HEMK2: variants seen among roughly 807,000 people sequenced by gnomAD.
The protein encoded by HEMK2 is methyltransferase HEMK2.
chr21:28,826,748 C>T, the HEMK2 span, among the ~76,000 whole-genome samples: 63 of 152,344 alleles, frequency 4.1e-4, no homozygotes, highest in African/African-American at 1.5e-3. Flanking sequence ...CTGCAAAATG[C>T]TGCTTATGTA....
the HEMK2 span, among the ~76,000 whole-genome samples, chr21:28,836,087 C>G: frequency 6.6e-6 from 1 of 152,192 alleles, no homozygotes; most frequent in Non-Finnish European, 1.5e-5. Context: ...AGGAAAACTT[C>G]CTCAGCCTTG....
the HEMK2 span, among the ~76,000 whole-genome samples, chr21:28,881,209 T>C: frequency 6.6e-6 from 1 of 152,240 alleles, no homozygotes; most frequent in Non-Finnish European, 1.5e-5. Context: ...CCCTTTCTTC[T>C]GATTTAATTT....
At chr21:28,839,328 T>A in the HEMK2 span, among the ~76,000 whole-genome samples, 3 of 151,948 alleles carry the variant, frequency 2.0e-5, no homozygotes, top group Non-Finnish European at 4.4e-5. Flanking sequence ...GGATGCCCAC[T>A]CTCACCACTC....
At chr21:28,752,822 C>T in the HEMK2 span, among the ~76,000 whole-genome samples, 1 of 152,118 alleles carries the variant, frequency 6.6e-6, no homozygotes, top group African/African-American at 2.4e-5. Context: ...ATTGTTGTTA[C>T]AATGCAAAGG....
the HEMK2 span, among the ~76,000 whole-genome samples, chr21:28,814,447 C>T: frequency 6.6e-6 from 1 of 151,430 alleles, no homozygotes; most frequent in African/African-American, 2.4e-5. Context: ...GAACAGGCAA[C>T]CTACAGAATG....
chr21:28,817,574 A>T, the HEMK2 span, among the ~76,000 whole-genome samples: 26 of 152,362 alleles, frequency 1.7e-4, no homozygotes, highest in African/African-American at 6.0e-4. Flanking sequence ...TGAAAAACAT[A>T]AGCTTAAGTA....
At chr21:28,678,739 C>A in the HEMK2 span, among the ~76,000 whole-genome samples, 4 of 152,124 alleles carry the variant, frequency 2.6e-5, no homozygotes, top group Non-Finnish European at 4.4e-5. Context: ...GGGCCAATGT[C>A]CAACATTCTT....
chr21:28,622,185 A>G, the HEMK2 span, among the ~76,000 whole-genome samples: 1 of 152,200 alleles, frequency 6.6e-6, no homozygotes, highest in Non-Finnish European at 1.5e-5. Flanking sequence ...TACACCAATT[A>G]CAGACAAACA....
chr21:28,833,698 T>C, the HEMK2 span, among the ~76,000 whole-genome samples: 3 of 152,336 alleles, frequency 2.0e-5, no homozygotes, highest in South Asian at 4.1e-4. Context: ...GGGAAAAGTA[T>C]GGACTTCAGA....
chr21:28,831,622 GGAAAGAAGGAAGGAAAGAAAGAAAGAAA>G, the HEMK2 span, among the ~76,000 whole-genome samples: 2 of 73,502 alleles, frequency 2.7e-5, no homozygotes, highest in African/African-American at 1.6e-4. Context: ...AAGGAAAGAA[GGAAAGAAGGAAGGAAAGAAAGAAAGAAA>G]GAAAGAAAGA....
chr21:28,606,819 T>C, the HEMK2 span, among the ~76,000 whole-genome samples: 1 of 152,186 alleles, frequency 6.6e-6, no homozygotes, highest in Non-Finnish European at 1.5e-5. Flanking sequence ...AAAATTGTTA[T>C]AATTATGTTC....
the HEMK2 span, among the ~76,000 whole-genome samples, chr21:28,729,831 T>C: frequency 2.0e-5 from 3 of 152,238 alleles, no homozygotes; most frequent in East Asian, 5.8e-4. Context: ...AGAAGACGGG[T>C]TGTCGAGTGA....
chr21:28,608,325 A>C, the HEMK2 span, among the ~76,000 whole-genome samples: 1 of 151,950 alleles, frequency 6.6e-6, no homozygotes, highest in African/African-American at 2.4e-5. Flanking sequence ...TGCATTTTTT[A>C]ATTTGTATAT....
At chr21:28,668,662 C>T in the HEMK2 span, among the ~76,000 whole-genome samples, 1 of 152,160 alleles carries the variant, frequency 6.6e-6, no homozygotes, top group African/African-American at 2.4e-5. Flanking sequence ...GCAGTATTTG[C>T]TGAACAATAA....
the HEMK2 span, among the ~76,000 whole-genome samples, chr21:28,663,657 T>G: frequency 1.3e-5 from 2 of 152,246 alleles, no homozygotes; most frequent in African/African-American, 4.8e-5. Flanking sequence ...TTCTTTTTGT[T>G]GCTGTTTCTG....
the HEMK2 span, among the ~76,000 whole-genome samples, chr21:28,675,845 G>C: frequency 6.6e-6 from 1 of 152,190 alleles, no homozygotes; most frequent in Non-Finnish European, 1.5e-5. Flanking sequence ...AAGTAATCCA[G>C]AATGTTGCAT....
chr21:28,596,307 C>T, the HEMK2 span, among the ~76,000 whole-genome samples: 5 of 152,068 alleles, frequency 3.3e-5, no homozygotes, highest in African/African-American at 1.2e-4. Flanking sequence ...TGTAAGCCAC[C>T]GCGCCCAACC....
chr21:28,651,983 A>G, the HEMK2 span, among the ~76,000 whole-genome samples: 1 of 152,186 alleles, frequency 6.6e-6, no homozygotes, highest in African/African-American at 2.4e-5. Flanking sequence ...AAATTACCAC[A>G]TTTCTGTGAT....
At chr21:28,873,039 C>T in the HEMK2 span, 1 of 152,138 alleles carries the variant, frequency 6.6e-6, no homozygotes, top group African/African-American at 2.4e-5. Flanking sequence ...AACTTGGCAC[C>T]CATAAACATC....
Sources: allele counts gnomAD v4.1 joint callset (sites outside exome capture counted in the v4.1 genomes callset), GRCh38; gene constraint gnomAD v4.1.1; transcripts MANE v1.5; gene names NCBI Gene and HGNC (gene_info 2026-07-23, HGNC 2026-07-21).